Variants in C1QTNF1 observed in about 807,000 individuals in gnomAD.
C1QTNF1 encodes complement C1q tumor necrosis factor-related protein 1.
C1QTNF1 carries 22 observed loss-of-function variants against 27.8 expected under a neutral mutation model. The observed-to-expected ratio is 0.79, with a 90% CI of 0.56 to 1.13. The LOEUF (loss-of-function observed/expected upper bound fraction) is 1.13, where lower values mean the gene tolerates loss of function less well. C1QTNF1 is among the 50% of genes most tolerant of loss of function. C1QTNF1 has a pLI of 0.00. For missense variants in C1QTNF1, 373 were observed against 380.2 expected, an observed-to-expected ratio of 0.98 and a Z score of 0.16; for synonymous variants, 166 against 154.3, an observed-to-expected ratio of 1.08 and a Z score of -0.56.
chr17:79,039,060 G>A (rs747855190), intron 1 of C1QTNF1, among the ~76,000 whole-genome samples: 19 of 146,026 alleles, frequency 1.3e-4, no homozygotes, highest in Non-Finnish European at 2.1e-4. Flanking sequence ...TGACAGCATC[G>A]TTCCTAACCC....
intron 1 of C1QTNF1, among the ~76,000 whole-genome samples, chr17:79,039,584 C>T (rs968669205): frequency 4.6e-5 from 7 of 151,980 alleles, no homozygotes; most frequent in Admixed American, 3.3e-4. Flanking sequence ...ACCTGGGAGG[C>T]GGAGGTTGCA....
chr17:79,045,616 G>C (rs1041620304), intron 2 of C1QTNF1, among the ~76,000 whole-genome samples: 1 of 152,176 alleles, frequency 6.6e-6, no homozygotes, highest in Non-Finnish European at 1.5e-5. Flanking sequence ...GGAGGGAGTC[G>C]GGGGTGATGC....
intron 1 of C1QTNF1, among the ~76,000 whole-genome samples, chr17:79,029,368 A>G (rs2072066068): frequency 6.6e-6 from 1 of 152,072 alleles, no homozygotes; most frequent in Non-Finnish European, 1.5e-5. Context: ...GCACCTCCCC[A>G]CTGTGGAACC....
intron 1 of C1QTNF1, among the ~76,000 whole-genome samples, chr17:79,042,594 C>A (rs1211628622): frequency 2.6e-5 from 4 of 152,222 alleles, no homozygotes; most frequent in Non-Finnish European, 5.9e-5. Flanking sequence ...ACCTACCCAC[C>A]GGTGAAGGAC....
At chr17:79,039,629 G>T (rs1386948411) in intron 1 of C1QTNF1, among the ~76,000 whole-genome samples, 1 of 150,792 alleles carries the variant, frequency 6.6e-6, no homozygotes, top group African/African-American at 2.4e-5. Flanking sequence ...CTCCAGCCTG[G>T]GTGACAGAGC....
At position 79,049,183 on chromosome 17, in the gene C1QTNF1, G is replaced by C. The variant is rs973900901; in HGVS notation, c.*1095G>C. Reference sequence around the variant, plus strand: ...CCCCACTGCCCTCATCCAGGCCTCTGACCAGTAGCCTGAGAGGGGCTTTTT... The same window carrying C: ...CCCCACTGCCCTCATCCAGGCCTCTCACCAGTAGCCTGAGAGGGGCTTTTT... On this transcript the variant is annotated 3_prime_UTR_variant, in exon 4 of 4. Transcript: ENST00000579760. The surrounding 1 kb of genome is among the most constrained non-coding windows in gnomAD (Gnocchi z 4.4). 6.6e-6 allele frequency: 1 copy of C among 152,378 alleles called. No individual in the cohort carries two copies. Among genetic ancestry groups the C allele is most frequent in the Non-Finnish European group, 1.5e-5 (1 of 68,190 alleles). The allele number at this position is 152,378 out of a possible 1,614,324, so 9.4% of individuals were successfully genotyped here.
At chr17:79,028,793 C>A (rs2072044931) in intron 1 of C1QTNF1, among the ~76,000 whole-genome samples, 1 of 152,134 alleles carries the variant, frequency 6.6e-6, no homozygotes, top group South Asian at 2.1e-4. Flanking sequence ...CAGAGCTTGC[C>A]AGCATGCTGG....
chr17:79,048,161 A>G lies in C1QTNF1; in HGVS notation c.*73A>G, dbSNP rs527250595. On this transcript the variant is annotated 3_prime_UTR_variant, in exon 4 of 4. Transcript: ENST00000579760. Reference sequence around the variant, plus strand: ...TGCTGACCCCACCGCCTCTTCCCCGATCCCTGGACTCCGACTCCCTGGCTT... The same window carrying G: ...TGCTGACCCCACCGCCTCTTCCCCGGTCCCTGGACTCCGACTCCCTGGCTT... 159 of 932,816 alleles carry G rather than the reference A, an allele frequency of 1.7e-4. 1 individual carries two copies. In the African/African-American group the frequency reaches 3.3e-3, roughly 19 times the overall value. The allele number at this position is 932,816 out of a possible 1,614,324, so 57.8% of individuals were successfully genotyped here. A position where few individuals can be genotyped will look rare whatever the true frequency, so the allele number is the denominator to read the frequency against.
At chr17:79,033,755 T>C (rs184655329) in intron 1 of C1QTNF1, among the ~76,000 whole-genome samples, 10 of 151,994 alleles carry the variant, frequency 6.6e-5, no homozygotes, top group Non-Finnish European at 1.3e-4. Context: ...AGCTGAGAGC[T>C]GAGGAACAGC....
chr17:79,035,742 C>A (rs1167544067), intron 1 of C1QTNF1, among the ~76,000 whole-genome samples: 1 of 152,152 alleles, frequency 6.6e-6, no homozygotes, highest in Non-Finnish European at 1.5e-5. Context: ...GAATCCAATT[C>A]TTGAACTGGA....
intron 1 of C1QTNF1, among the ~76,000 whole-genome samples, chr17:79,025,420 C>T (rs1035994528): frequency 6.6e-6 from 1 of 152,142 alleles, no homozygotes; most frequent in Non-Finnish European, 1.5e-5. Flanking sequence ...GTGAGGTGTT[C>T]CTGACTCTTC....
chr17:79,045,369 C>G (rs1267273122), intron 2 of C1QTNF1, among the ~76,000 whole-genome samples: 1 of 152,092 alleles, frequency 6.6e-6, no homozygotes, highest in Non-Finnish European at 1.5e-5. Flanking sequence ...CTCACCTGAA[C>G]TCAATCCTAC....
intron 1 of C1QTNF1, among the ~76,000 whole-genome samples, chr17:79,035,566 G>A (rs181282348): frequency 7.8e-4 from 118 of 152,156 alleles, no homozygotes; most frequent in African/African-American, 2.8e-3. Flanking sequence ...GAGTAGCTGG[G>A]ATTACAGACA....
Position 79,043,780 on chromosome 17 carries a change from G to A in C1QTNF1, c.-14-175G>A. The A allele has an allele frequency of 4.1e-6, 3 of 725,376 alleles. No homozygotes were observed. The Middle Eastern group carries it at 6.9e-4, about 166-fold the overall frequency. The allele number at this position is 725,376 out of a possible 1,614,324, so 44.9% of individuals were successfully genotyped here. On this transcript the variant is annotated intron_variant, in intron 1 of 3. Transcript: ENST00000579760. ...CGTGAGTGCGTGTATGCATGCATGGGTGTGTGAGAGTGATTGTCCTCCCAG... is the reference window on the plus strand; with the variant it reads ...CGTGAGTGCGTGTATGCATGCATGGATGTGTGAGAGTGATTGTCCTCCCAG...
At chr17:79,045,598 G>A (rs1410000360) in intron 2 of C1QTNF1, among the ~76,000 whole-genome samples, 3 of 152,222 alleles carry the variant, frequency 2.0e-5, no homozygotes, top group Non-Finnish European at 4.4e-5. Context: ...TTGTGCCAGG[G>A]GGTTGGCGGA....
chr17:79,026,503 C>T (rs2071966591), intron 1 of C1QTNF1, among the ~76,000 whole-genome samples: 2 of 152,218 alleles, frequency 1.3e-5, no homozygotes, highest in Non-Finnish European at 2.9e-5. Flanking sequence ...GAACATGGCA[C>T]TCAGCTCGCC....
intron 1 of C1QTNF1, among the ~76,000 whole-genome samples, chr17:79,030,485 T>TTTTCTTTCTTTCTTCCTTTC (rs2072103318): frequency 8.2e-6 from 1 of 121,804 alleles, no homozygotes; most frequent in Non-Finnish European, 1.7e-5. Context: ...CTTTCTTTCT[T>TTTTCTTTCTTTCTTCCTTTC]TTTCTTTCTT....
rs3833103 is a variant in C1QTNF1 at position 79,048,136 on chromosome 17, T to TGCTGACCCCAGGGCTCAGCACCAG, written c.*58_*59insGGGCTCAGCACCAGGCTGACCCCA. The TGCTGACCCCAGGGCTCAGCACCAG allele has an allele frequency of 0.2, 291,276 of 1,448,376 alleles. 35,308 individuals are homozygous for TGCTGACCCCAGGGCTCAGCACCAG. The highest frequency in any genetic ancestry group is 0.58 in the East Asian group (23,657 of 40,814). 89.7% of individuals were successfully genotyped at this position (1,448,376 alleles called of 1,614,324 possible). A position where few individuals can be genotyped will look rare whatever the true frequency, so the allele number is the denominator to read the frequency against. On this transcript the variant is annotated 3_prime_UTR_variant, in exon 4 of 4. Transcript: ENST00000579760. The stretch of plus-strand genomic sequence containing the variant: ...CTCGCCACCTTCCACCCCTGCGCTG[T>TGCTGACCCCAGGGCTCAGCACCAG]GCTGACCCCACCGCCTCTTCCCCGA...
chr17:79,047,915 G>C lies in C1QTNF1; in HGVS notation c.673G>C (p.Val225Leu), dbSNP rs1279259111. 1 of 1,614,096 alleles carries C rather than the reference G, an allele frequency of 6.2e-7. No individual in the cohort carries two copies. The highest frequency in any genetic ancestry group is 2.2e-5 in the East Asian group (1 of 44,872). Residue 225 changes from valine (V) to leucine (L), a missense_variant, in exon 4 of 4, where the codon GTG becomes CTG. Physicochemically the swap from Val to Leu is conservative, Grantham distance 32. Coordinates refer to ENST00000579760, the MANE Select transcript of C1QTNF1 (RefSeq NM_030968.5). ...GGAGGTGGTGATCTTGTTCGCGCAG[G>C]TGGGCGACCGCAGCATCATGCAAAG... ...EEEVVILFAQ[V>L]GDRSIMQSQS...
Sources: gnomAD v4.1 joint callset for allele counts (sites outside exome capture counted in the v4.1 genomes callset) on GRCh38, gnomAD v4.1.1 for gene constraint, Gnocchi (gnomAD v3.1) non-coding constraint, MANE v1.5 for transcripts, NCBI Gene and HGNC (gene_info 2026-07-23, HGNC 2026-07-21) for gene names.